Variants in PDE7B observed in about 807,000 individuals in gnomAD.
The protein encoded by PDE7B is 3',5'-cyclic-AMP phosphodiesterase 7B.
In PDE7B, 29 loss-of-function variants were observed where a neutral mutation model predicts 56.2. That is an observed-to-expected ratio of 0.52 (90% CI 0.38 to 0.70). The LOEUF is 0.70. PDE7B is among the 30% of genes least tolerant of loss of function. The probability of loss-of-function intolerance (pLI) is 0.00; values close to 1 mark genes in which losing one functional copy is unlikely to be tolerated. For missense variants in PDE7B, 490 were observed against 565.0 expected (o/e 0.87, Z 1.35); for synonymous variants, 197 against 196.9 (o/e 1.00, Z 0.00).
At chr6:135,939,573 T>A (rs573388685) in intron 1 of PDE7B, among the ~76,000 whole-genome samples, 1 of 152,280 alleles carries the variant, frequency 6.6e-6, no homozygotes, top group African/African-American at 2.4e-5. Flanking sequence ...GCTGCCACAG[T>A]GTGTAGAGAT....
chr6:136,100,542 A>G (rs1406678140), intron 2 of PDE7B, among the ~76,000 whole-genome samples: 1 of 152,106 alleles, frequency 6.6e-6, no homozygotes, highest in African/African-American at 2.4e-5. Context: ...GTAATTGTGA[A>G]TGGGAGTTCA....
At chr6:135,982,013 T>G (rs1039620858) in intron 2 of PDE7B, among the ~76,000 whole-genome samples, 2 of 152,120 alleles carry the variant, frequency 1.3e-5, no homozygotes, top group African/African-American at 4.8e-5. Context: ...TAGGAACTTT[T>G]CAGCTCTATT....
intron 2 of PDE7B, among the ~76,000 whole-genome samples, chr6:136,074,626 T>C (rs903539935): frequency 2.0e-5 from 3 of 152,200 alleles, no homozygotes; most frequent in Non-Finnish European, 4.4e-5. Flanking sequence ...CCTATCTCCA[T>C]GAGCTCAATT....
chr6:135,867,142 T>A (rs1775276430), intron 1 of PDE7B, among the ~76,000 whole-genome samples: 1 of 152,198 alleles, frequency 6.6e-6, no homozygotes. Flanking sequence ...TTGAGCAATT[T>A]ACAAGTAACT....
intron 2 of PDE7B, among the ~76,000 whole-genome samples, chr6:136,041,841 A>G (rs1483853250): frequency 1.3e-5 from 2 of 152,164 alleles, no homozygotes; most frequent in Non-Finnish European, 2.9e-5. Context: ...GTTCAGAGAG[A>G]CTCAATAAGG....
intron 1 of PDE7B, among the ~76,000 whole-genome samples, chr6:135,932,956 T>G (rs1459933690): frequency 6.6e-6 from 1 of 152,202 alleles, no homozygotes; most frequent in African/African-American, 2.4e-5. Context: ...CTATTAGTCA[T>G]AGATGGCATG....
intron 1 of PDE7B, among the ~76,000 whole-genome samples, chr6:135,916,392 C>CTTTTTTTTTTTTTTTTTTT (rs566408380): frequency 2.8e-4 from 27 of 96,344 alleles, no homozygotes; most frequent in East Asian, 1.1e-3. Flanking sequence ...TCTTTTCTTT[C>CTTTTTTTTTTTTTTTTTTT]TTTTTTTTTT....
chr6:136,038,425 G>T (rs1267067869), intron 2 of PDE7B: 3 of 1,290,556 alleles, frequency 2.3e-6, no homozygotes, highest in Non-Finnish European at 3.0e-6. Flanking sequence ...ACTTGCCAGA[G>T]ATGATCAGGA....
chr6:135,978,853 A>T (rs897510263), intron 2 of PDE7B, among the ~76,000 whole-genome samples: 1 of 151,860 alleles, frequency 6.6e-6, no homozygotes, highest in African/African-American at 2.4e-5. Flanking sequence ...TCTTTTCCTG[A>T]TTGAATACCC....
chr6:136,057,162 G>C (rs1330857714), intron 2 of PDE7B, among the ~76,000 whole-genome samples: 1 of 152,204 alleles, frequency 6.6e-6, no homozygotes, highest in Non-Finnish European at 1.5e-5. Context: ...TGATGTACAT[G>C]CTAATGGTTA....
At position 136,194,153 on chromosome 6, in the gene PDE7B, T is replaced by G. The variant is rs1433778403; in HGVS notation, c.*2313T>G. On this transcript the variant is annotated 3_prime_UTR_variant, in exon 13 of 13. Transcript: ENST00000308191. ...GCTTTTGAACAGTCTATTTTTAATG[T>G]ATATGAGGTCAAATCAAGGAAGGCA... is the stretch of plus-strand genomic sequence containing the variant. 6.6e-6 allele frequency: 1 copy of G among 152,138 alleles called. No homozygotes were observed. The highest frequency in any genetic ancestry group is 1.5e-5 in the Non-Finnish European group (1 of 68,034). 9.4% of individuals were successfully genotyped at this position (152,138 alleles called of 1,614,324 possible).
intron 1 of PDE7B, among the ~76,000 whole-genome samples, chr6:135,933,355 G>T (rs1774327703): frequency 6.6e-6 from 1 of 152,146 alleles, no homozygotes; most frequent in Non-Finnish European, 1.5e-5. Flanking sequence ...TGCTTGTGTT[G>T]ACATGTTTGA....
intron 2 of PDE7B, among the ~76,000 whole-genome samples, chr6:136,021,582 T>C (rs1776072566): frequency 6.6e-6 from 1 of 151,414 alleles, no homozygotes; most frequent in African/African-American, 2.4e-5. Context: ...AGGCGGAGGT[T>C]GCAGTGAGCT....
intron 1 of PDE7B, among the ~76,000 whole-genome samples, chr6:135,864,898 C>T (rs981020641): frequency 1.1e-4 from 16 of 151,304 alleles, no homozygotes; most frequent in Admixed American, 3.3e-4. Context: ...CCCATTAACT[C>T]GTCATTTACA....
At chr6:135,976,301 G>A (rs946275224) in intron 2 of PDE7B, among the ~76,000 whole-genome samples, 1 of 152,154 alleles carries the variant, frequency 6.6e-6, no homozygotes, top group African/African-American at 2.4e-5. Context: ...CTTGAGGAAG[G>A]AGCAGGAACA....
At chr6:136,064,812 T>C (rs1776906285) in intron 2 of PDE7B, among the ~76,000 whole-genome samples, 2 of 152,206 alleles carry the variant, frequency 1.3e-5, no homozygotes, top group South Asian at 4.1e-4. Context: ...TCATTCTCCT[T>C]CATGACATTC....
chr6:135,971,257 A>G (rs1448193809), intron 2 of PDE7B, among the ~76,000 whole-genome samples: 1 of 152,196 alleles, frequency 6.6e-6, no homozygotes, highest in Non-Finnish European at 1.5e-5. Flanking sequence ...CAAGCCAAAG[A>G]GAAAGGCCTG....
chr6:136,080,094 G>T (rs1393924385), intron 2 of PDE7B, among the ~76,000 whole-genome samples: 1 of 152,154 alleles, frequency 6.6e-6, no homozygotes, highest in Non-Finnish European at 1.5e-5. Flanking sequence ...AAACCTCCAT[G>T]TGTCCAGTGT....
chr6:135,950,840 G>A (rs1413113981), intron 2 of PDE7B, among the ~76,000 whole-genome samples: 3 of 152,140 alleles, frequency 2.0e-5, no homozygotes, highest in African/African-American at 7.2e-5. Flanking sequence ...CCATGAATAT[G>A]CCATTCTTAT....
Sources: gnomAD v4.1 joint callset for allele counts (sites outside exome capture counted in the v4.1 genomes callset) on GRCh38, gnomAD v4.1.1 for gene constraint, MANE v1.5 for transcripts, NCBI Gene and HGNC (gene_info 2026-07-23, HGNC 2026-07-21) for gene names.